Variants in CAPS2 observed in about 807,000 individuals in gnomAD.
The protein encoded by CAPS2 is calcyphosin-2.
In CAPS2, 98 loss-of-function variants were observed where a neutral mutation model predicts 86.5. The observed-to-expected ratio is 1.13, with a 90% CI of 0.96 to 1.34. The LOEUF (loss-of-function observed/expected upper bound fraction) is 1.34, where lower values mean the gene tolerates loss of function less well. Ranked by LOEUF, CAPS2 falls within the 40% of genes most tolerant of loss-of-function variation. The pLI is 0.00. For missense variants in CAPS2, 729 were observed against 686.8 expected (o/e 1.06, Z -0.69); for synonymous variants, 210 against 225.1 (o/e 0.93, Z 0.60).
intron 15 of CAPS2, among the ~76,000 whole-genome samples, chr12:75,283,497 T>C (rs1184267980): frequency 6.6e-6 from 1 of 152,070 alleles, no homozygotes; most frequent in Non-Finnish European, 1.5e-5. Context: ...CCTTATCCAA[T>C]ATGACTGGTG....
At chr12:75,291,159 T>C (rs968609230) in intron 13 of CAPS2, among the ~76,000 whole-genome samples, 3 of 151,802 alleles carry the variant, frequency 2.0e-5, no homozygotes, top group African/African-American at 7.3e-5. Flanking sequence ...ATCCCTATTT[T>C]AGAGATGAAG....
intron 13 of CAPS2, among the ~76,000 whole-genome samples, chr12:75,291,454 C>T (rs1305915059): frequency 3.8e-5 from 4 of 106,468 alleles, no homozygotes; most frequent in Non-Finnish European, 5.4e-5. Context: ...AATCTTAAAA[C>T]GTTTAGAAAT....
intron 1 of CAPS2, among the ~76,000 whole-genome samples, chr12:75,382,484 A>G (rs1408307100): frequency 6.6e-6 from 1 of 152,100 alleles, no homozygotes; most frequent in Non-Finnish European, 1.5e-5. Flanking sequence ...TACTAAAAAT[A>G]CAAAAATTAG....
intron 6 of CAPS2, among the ~76,000 whole-genome samples, chr12:75,315,915 T>A: frequency 6.6e-6 from 1 of 151,532 alleles, no homozygotes. Context: ...TTTCTTTTCC[T>A]AAAAAAGAAA....
At chr12:75,293,486 G>A in intron 11 of CAPS2, 119 bp from the exon 12 acceptor site, 1 of 699,582 alleles carries the variant, frequency 1.4e-6, no homozygotes. Context: ...ACAAGGGTAA[G>A]AAGTATATTT....
chr12:75,286,741 A>G (rs1469214500), intron 14 of CAPS2, among the ~76,000 whole-genome samples: 1 of 151,874 alleles, frequency 6.6e-6, no homozygotes, highest in Non-Finnish European at 1.5e-5. Flanking sequence ...GTGATTCTTA[A>G]GTTCTTCTTC....
chr12:75,279,534 G>A (rs1190338989), intron 16 of CAPS2, among the ~76,000 whole-genome samples: 2 of 151,782 alleles, frequency 1.3e-5, no homozygotes, highest in African/African-American at 4.8e-5. Context: ...TGTCTAATGG[G>A]GTGGACAAAA....
In CAPS2 at chr12:75,316,335, GTTGT is replaced by G. The variant is rs2039757160; in HGVS notation, c.564_567del (p.Lys188AsnfsTer25). 6.4e-7 allele frequency: 1 copy of G among 1,550,770 alleles called. No individual in the cohort carries two copies. Among genetic ancestry groups the G allele is most frequent in the African/African-American group, 1.4e-5 (1 of 72,976 alleles). On this transcript the variant is annotated frameshift_variant, in exon 6 of 17. Coordinates refer to ENST00000393284, the Ensembl canonical transcript of CAPS2. LOFTEE classifies it high-confidence loss of function. ...ACTGCATCCAATTTTCTTGCCCTCT[GTTGT>G]TTATCGCAAGAGTTGTCTGCATAAC... is the stretch of plus-strand genomic sequence containing the variant.
intron 7 of CAPS2, chr12:75,306,334 G>C (rs1045815247): frequency 2.7e-5 from 14 of 518,956 alleles, no homozygotes; most frequent in African/African-American, 1.9e-4. Context: ...ACTGCCTACT[G>C]CTCCTGTAAC....
intron 1 of CAPS2, among the ~76,000 whole-genome samples, chr12:75,372,090 C>A (rs182083993): frequency 1.2e-3 from 182 of 152,334 alleles, no homozygotes; most frequent in African/African-American, 4.2e-3. Context: ...TCTTGGCTCA[C>A]TGCAACCTCC....
At chr12:75,300,679 G>C (rs1164387161) in intron 8 of CAPS2, among the ~76,000 whole-genome samples, 1 of 151,396 alleles carries the variant, frequency 6.6e-6, no homozygotes, top group Non-Finnish European at 1.5e-5. Context: ...CCTGGTAAGA[G>C]AGTGGCATGA....
intron 1 of CAPS2, among the ~76,000 whole-genome samples, chr12:75,368,966 T>C (rs1012390847): frequency 2.0e-5 from 3 of 152,014 alleles, no homozygotes; most frequent in African/African-American, 4.8e-5. Flanking sequence ...ACTTCATGTG[T>C]AGTTATGTTT....
intron 11 of CAPS2, among the ~76,000 whole-genome samples, chr12:75,296,426 G>C (rs905477141): frequency 2.6e-5 from 4 of 152,108 alleles, no homozygotes; most frequent in African/African-American, 9.6e-5. Context: ...CGAGTAGCTG[G>C]GACTACAGGT....
At chr12:75,356,662 A>C (rs1184965330) in intron 1 of CAPS2, among the ~76,000 whole-genome samples, 1 of 152,202 alleles carries the variant, frequency 6.6e-6, no homozygotes, top group Non-Finnish European at 1.5e-5. Context: ...GAAGCAAATA[A>C]AATGAATAAG....
In CAPS2 at chr12:75,323,043, AT is replaced by A. The variant is rs1489630628; in HGVS notation, c.221del (p.Asn74IlefsTer21). ...TGACCCAGCCAAGAGTAGAAGATGA[AT>A]TTGGCAGGTTTGCTGTACTAAGTGG... On this transcript the variant is annotated frameshift_variant, in exon 4 of 17. Coordinates refer to ENST00000393284, the Ensembl canonical transcript of CAPS2. LOFTEE classifies it high-confidence loss of function. The A allele has an allele frequency of 1.3e-6, 2 of 1,550,688 alleles. No homozygotes were observed. Among genetic ancestry groups the A allele is most frequent in the African/African-American group, 2.7e-5 (2 of 73,028 alleles).
At chr12:75,340,757 A>T (rs1435237456) in intron 1 of CAPS2, among the ~76,000 whole-genome samples, 2 of 151,988 alleles carry the variant, frequency 1.3e-5, no homozygotes, top group African/African-American at 2.4e-5. Context: ...AAAAAATTCA[A>T]TTAGAAAATG....
At chr12:75,291,914 C>A in intron 12 of CAPS2, 94 bp from the exon 13 acceptor site, 1 of 439,564 alleles carries the variant, frequency 2.3e-6, no homozygotes, top group South Asian at 7.1e-5. Context: ...GCTCCAGACT[C>A]AAAGAAGCTC....
chr12:75,276,346 T>C (rs1476333672), downstream of CAPS2: 1 of 1,450,570 alleles, frequency 6.9e-7, no homozygotes, highest in Admixed American at 2.9e-5. Flanking sequence ...GCAGTAAACA[T>C]AGCCTAATGT....
At chr12:75,353,049 A>T (rs1206665325) in intron 1 of CAPS2, among the ~76,000 whole-genome samples, 1 of 152,196 alleles carries the variant, frequency 6.6e-6, no homozygotes, top group Non-Finnish European at 1.5e-5. Flanking sequence ...AGCTAGAAAG[A>T]TCCCAAATTG....
Sources: gnomAD v4.1 joint callset for allele counts (sites outside exome capture counted in the v4.1 genomes callset) on GRCh38, gnomAD v4.1.1 for gene constraint, MANE v1.5 for transcripts, NCBI Gene and HGNC (gene_info 2026-07-23, HGNC 2026-07-21) for gene names.